IPP: variants seen among roughly 807,000 people sequenced by gnomAD.
IPP encodes the protein intracisternal A particle-promoted polypeptide.
IPP carries 41 observed loss-of-function variants against 64.1 expected under a neutral mutation model. That is an observed-to-expected ratio of 0.64 (90% CI 0.50 to 0.83). The LOEUF is 0.83. Among genes scored for constraint, IPP ranks in the 40% least tolerant of loss-of-function variants. IPP has a pLI of 0.00. For missense variants in IPP, 649 were observed against 703.0 expected, an observed-to-expected ratio of 0.92 and a Z score of 0.87; for synonymous variants, 214 against 235.2, an observed-to-expected ratio of 0.91 and a Z score of 0.83.
At chr1:45,731,661 T>G (rs920100497) in intron 3 of IPP, among the ~76,000 whole-genome samples, 1 of 150,990 alleles carries the variant, frequency 6.6e-6, no homozygotes, top group Non-Finnish European at 1.5e-5. Context: ...CAGGGCCAGG[T>G]GTGGTGGCTC....
rs913236191 is a variant in IPP, at chr1:45,741,457, A to G, written c.293-125T>C. ...CCTGCAGAGTAGACAGACACTAAAAAAGGCAATCAAGGATTTGAGTAAAGA... is the reference window on the plus strand; with the variant it reads ...CCTGCAGAGTAGACAGACACTAAAAGAGGCAATCAAGGATTTGAGTAAAGA... On this transcript the variant is annotated intron_variant, in intron 2 of 8. Transcript: ENST00000396478. 6.6e-5 allele frequency: 42 copies of G among 640,126 alleles called. No individual in the cohort carries two copies. In the African/African-American group the frequency reaches 6.9e-4, roughly 11 times the overall value. 39.7% of individuals were successfully genotyped at this position (640,126 alleles called of 1,614,324 possible).
intron 8 of IPP, among the ~76,000 whole-genome samples, chr1:45,705,612 G>A (rs1436501887): frequency 1.3e-5 from 2 of 152,084 alleles, no homozygotes; most frequent in Non-Finnish European, 2.9e-5. Context: ...TTTGAGACCA[G>A]CTGGCCAACA....
chr1:45,744,549 A>T (rs1007587472), intron 2 of IPP, among the ~76,000 whole-genome samples: 8 of 150,778 alleles, frequency 5.3e-5, no homozygotes, highest in East Asian at 1.9e-4. Flanking sequence ...ATTAAAAAAA[A>T]TTTTTTTTTG....
intron 3 of IPP, among the ~76,000 whole-genome samples, chr1:45,732,725 G>A (rs1645927749): frequency 6.6e-6 from 1 of 152,068 alleles, no homozygotes; most frequent in Non-Finnish European, 1.5e-5. Flanking sequence ...GGAGTGCAGT[G>A]GTGCGATCTC....
At chr1:45,728,820 A>G (rs1645867604) in intron 4 of IPP, among the ~76,000 whole-genome samples, 1 of 152,146 alleles carries the variant, frequency 6.6e-6, no homozygotes, top group East Asian at 1.9e-4. Flanking sequence ...TTTTTAAAAT[A>G]AAAATGAAAA....
intron 1 of IPP, 96 bp from the exon 2 acceptor site, chr1:45,746,557 T>G (rs1268915117): frequency 1.7e-6 from 1 of 592,938 alleles, no homozygotes. Flanking sequence ...AAAATCTACT[T>G]AAGGACATAA....
At position 45,700,174 on chromosome 1, in the gene IPP, A is replaced by G; in HGVS notation, c.1547T>C (p.Val516Ala). Residue 516 changes from valine (V) to alanine (A), a missense_variant, in exon 9 of 9, where the codon GTT (valine) becomes GCT (alanine). By Grantham distance (64) the Val-to-Ala change is moderately conservative. Transcript: ENST00000396478. Reference protein sequence around the residue: ...YSFEEEKWVEVASMKVPRAGM... With the variant: ...YSFEEEKWVEAASMKVPRAGM... ...TGCTCTAGGCACTTTCATTGAGGCA[A>G]CTTCAACCCACTTTTCCTGGTTAAG... 1.2e-6 allele frequency: 2 copies of G among 1,612,472 alleles called. No homozygotes were observed. Among genetic ancestry groups the G allele is most frequent in the Non-Finnish European group, 1.7e-6 (2 of 1,179,512 alleles).
intron 4 of IPP, 114 bp downstream of exon 4, chr1:45,729,500 C>A: frequency 1.3e-6 from 1 of 744,366 alleles, no homozygotes; most frequent in Non-Finnish European, 2.3e-6. Flanking sequence ...ATTAAATATG[C>A]CTCTTCAACA....
intron 3 of IPP, among the ~76,000 whole-genome samples, chr1:45,740,543 CG>C (rs985281870): frequency 2.0e-5 from 3 of 151,702 alleles, no homozygotes; most frequent in African/African-American, 7.3e-5. Flanking sequence ...GCTGGCCGGG[CG>C]GGGGGCTGAC....
chr1:45,733,680 A>C (rs1376802750), intron 3 of IPP, among the ~76,000 whole-genome samples: 1 of 151,922 alleles, frequency 6.6e-6, no homozygotes, highest in Non-Finnish European at 1.5e-5. Flanking sequence ...AAAAATACAA[A>C]AATTAGTCGG....
intron 8 of IPP, among the ~76,000 whole-genome samples, chr1:45,704,495 C>G (rs577064820): frequency 6.6e-6 from 1 of 152,232 alleles, no homozygotes; most frequent in Admixed American, 6.5e-5. Context: ...CTCGGCCTCC[C>G]CAAGTGCTGG....
intron 8 of IPP, among the ~76,000 whole-genome samples, chr1:45,710,224 TAAAA>T (rs1209349898): frequency 1.6e-5 from 1 of 63,728 alleles, no homozygotes; most frequent in African/African-American, 6.3e-5. Flanking sequence ...AGACTCTGTC[TAAAA>T]AAAAAAAAAA....
intron 2 of IPP, among the ~76,000 whole-genome samples, chr1:45,744,550 T>A (rs181798511): frequency 2.0e-4 from 30 of 151,692 alleles, no homozygotes; most frequent in Admixed American, 4.6e-4. Flanking sequence ...TTAAAAAAAA[T>A]TTTTTTTTGG....
chr1:45,735,885 G>A (rs1012652419), intron 3 of IPP, among the ~76,000 whole-genome samples: 2 of 150,242 alleles, frequency 1.3e-5, no homozygotes, highest in African/African-American at 4.9e-5. Flanking sequence ...GCCAAGGAGG[G>A]TGGATCATGA....
Position 45,714,256 on chromosome 1 carries a change from G to A in IPP, c.1520C>T (p.Ser507Phe), listed in dbSNP as rs1287997260. ...AATCATCCAACCTACCTCTTCAAAG[G>A]AATATTTTTCTACAGTATGAAGAGC... The part of the protein sequence containing the change: ...QDALHTVEKY[S>F]FEEEKWVEVA... The change falls in exon 8 of 9, where the codon TCC becomes TTC. Residue 507 changes from serine (S) to phenylalanine (F), a missense_variant. Ser to Phe is a radical substitution (Grantham distance 155). Coordinates refer to ENST00000396478, the MANE Select transcript of IPP (RefSeq NM_005897.3). 2 of 1,610,344 alleles carry A rather than the reference G, an allele frequency of 1.2e-6. No homozygotes were observed. The highest frequency in any genetic ancestry group is 1.7e-6 in the Non-Finnish European group (2 of 1,176,650).
In IPP at chr1:45,729,764, A is replaced by T; in HGVS notation, c.730T>A (p.Ser244Thr). ...QRLLKYIEGVSDFNLRVALQT... is the reference protein window; with the variant it reads ...QRLLKYIEGVTDFNLRVALQT... ...AATGCAACACGAAGATTAAAATCGG[A>T]TACTCCTAAAACAATATTTAAAAAG... is the stretch of plus-strand genomic sequence containing the variant. The change falls in exon 4 of 9, where the codon TCC (serine) becomes ACC (threonine). Residue 244 changes from serine (S) to threonine (T), a missense_variant. Physicochemically the swap from Ser to Thr is moderately conservative, Grantham distance 58. Transcript: ENST00000396478. The T allele has an allele frequency of 6.4e-7, 1 of 1,563,954 alleles. No individual in the cohort carries two copies. The highest frequency in any genetic ancestry group is 1.2e-5 in the South Asian group (1 of 85,150).
intron 2 of IPP, among the ~76,000 whole-genome samples, chr1:45,745,638 C>T (rs1159592570): frequency 6.6e-6 from 1 of 151,670 alleles, no homozygotes; most frequent in Non-Finnish European, 1.5e-5. Flanking sequence ...GCGGGCGGAT[C>T]ATGAGGTCAG....
intron 6 of IPP, among the ~76,000 whole-genome samples, 173 bp downstream of exon 6, chr1:45,719,030 G>A (rs1374907251): frequency 6.6e-6 from 1 of 151,950 alleles, no homozygotes; most frequent in African/African-American, 2.4e-5. Context: ...GTAACATAAA[G>A]GATAAATACT....
intron 5 of IPP, among the ~76,000 whole-genome samples, chr1:45,726,796 T>C (rs1645834460): frequency 6.6e-6 from 1 of 151,396 alleles, no homozygotes; most frequent in Admixed American, 6.6e-5. Context: ...CGATCTCGGC[T>C]TACTGCAACC....
Sources: gnomAD v4.1 joint callset for allele counts (sites outside exome capture counted in the v4.1 genomes callset) on GRCh38, gnomAD v4.1.1 for gene constraint, MANE v1.5 for transcripts, NCBI Gene and HGNC (gene_info 2026-07-23, HGNC 2026-07-21) for gene names.